The following CAND1 variants were observed in gnomAD, a reference collection of about 807,000 sequenced individuals.
CAND1 encodes cullin-associated NEDD8-dissociated protein 1.
In CAND1, 7 loss-of-function variants were observed where a neutral mutation model predicts 108.5. The ratio of observed to expected loss-of-function variants is 0.06; its 90% CI spans 0.04 to 0.12. The LOEUF is 0.12. CAND1 is among the 10% of genes least tolerant of loss of function. The probability of loss-of-function intolerance (pLI) is 1.00; values close to 1 mark genes in which losing one functional copy is unlikely to be tolerated. For synonymous variants in CAND1, 534 were observed against 512.0 expected (o/e 1.04, Z -0.58); for missense variants, 941 against 1,448.7 (o/e 0.65, Z 5.69).
chr12:67,298,801 C>A, intron 6 of CAND1, 149 bp from the exon 7 acceptor site: 1 of 574,698 alleles, frequency 1.7e-6, no homozygotes, highest in Non-Finnish European at 3.1e-6. Flanking sequence ...ATAGTAAGTC[C>A]ATGGGAGAGA....
chr12:67,314,877 A>C lies in CAND1; in HGVS notation c.*2047A>C, dbSNP rs1283345829. The C allele has an allele frequency of 6.6e-6, 1 of 152,226 alleles. No homozygotes were observed. Among genetic ancestry groups the C allele is most frequent in the African/African-American group, 2.4e-5 (1 of 41,454 alleles). The allele number at this position is 152,226 out of a possible 1,614,324, so 9.4% of individuals were successfully genotyped here. A position where few individuals can be genotyped will look rare whatever the true frequency, so the allele number is the denominator to read the frequency against. ...CTGTTTATATGCATACATTAACAAAATTAGTAACAGCAGTGCTTAGAATTT... is the reference window on the plus strand; with the variant it reads ...CTGTTTATATGCATACATTAACAAACTTAGTAACAGCAGTGCTTAGAATTT... On this transcript the variant is annotated 3_prime_UTR_variant, in exon 15 of 15. Coordinates refer to ENST00000545606, the MANE Select transcript of CAND1 (RefSeq NM_018448.5).
chr12:67,291,329 A>G (rs1325713496), intron 2 of CAND1, among the ~76,000 whole-genome samples: 2 of 152,232 alleles, frequency 1.3e-5, no homozygotes, highest in Non-Finnish European at 2.9e-5. Flanking sequence ...CATTTAGACA[A>G]GTATATAAAA....
At chr12:67,310,854 A>C (rs1393538749) in intron 13 of CAND1, 1 of 152,154 alleles carries the variant, frequency 6.6e-6, no homozygotes, top group Non-Finnish European at 1.5e-5. Flanking sequence ...TCAGATATAC[A>C]AAACAATCTG....
intron 1 of CAND1, among the ~76,000 whole-genome samples, chr12:67,280,034 T>G (rs1416449295): frequency 1.3e-5 from 2 of 152,228 alleles, no homozygotes; most frequent in African/African-American, 4.8e-5. Flanking sequence ...TAATGAAAAT[T>G]AGTCATGTAG....
chr12:67,291,498 C>G (rs1305270758), intron 2 of CAND1, among the ~76,000 whole-genome samples: 3 of 152,104 alleles, frequency 2.0e-5, no homozygotes, highest in Admixed American at 6.6e-5. Context: ...CAGAGTGTTT[C>G]ATATTTTGTA....
chr12:67,310,535 G>A, intron 13 of CAND1: 1 of 368,330 alleles, frequency 2.7e-6, no homozygotes, highest in Non-Finnish European at 5.0e-6. Context: ...GGAGGAAGTG[G>A]CAGTGGATGC....
Position 67,305,198 on chromosome 12 carries a change from T to C in CAND1, c.1530T>C (p.Pro510=). Residue 510 remains proline (P), a synonymous_variant, in exon 10 of 15, where the codon CCT becomes CCC. Coordinates refer to ENST00000545606, the MANE Select transcript of CAND1 (RefSeq NM_018448.5). The surrounding 1 kb of genome is among the most constrained non-coding windows in gnomAD (Gnocchi z 4.4). ...CLYVILCNHS[P]QVFHPHVQAL... ...ACGTAATCCTCTGTAACCATTCTCC[T>C]CAAGTCTTCCATCCTCACGTTCAGG... The C allele has an allele frequency of 6.2e-7, 1 of 1,614,202 alleles. No homozygotes were observed. Among genetic ancestry groups the C allele is most frequent in the Non-Finnish European group, 8.5e-7 (1 of 1,180,014 alleles).
intron 1 of CAND1, among the ~76,000 whole-genome samples, chr12:67,274,827 A>G (rs1042498680): frequency 2.6e-5 from 4 of 152,192 alleles, no homozygotes; most frequent in African/African-American, 9.7e-5. Context: ...TGTAAAAAAA[A>G]CTCAAGCCTT....
Position 67,306,574 on chromosome 12 carries a change from G to A in CAND1, c.2906G>A (p.Arg969Gln), listed in dbSNP as rs2044888404. ...TLIDPETLLP[R>Q]LKGYLISGSS... ...ATTGATCCAGAAACTCTCCTTCCAC[G>A]GCTTAAGGGGTACTTGATATCAGGT... is the stretch of plus-strand genomic sequence containing the variant. Residue 969 changes from arginine to glutamine, a missense_variant, in exon 10 of 15, where the codon CGG becomes CAG. Around this residue, in one of 9 missense-constraint regions of CAND1, gnomAD observed 106 missense variants for 182.0 expected, o/e 0.58. Transcript: ENST00000545606. The A allele has an allele frequency of 1.2e-6, 2 of 1,608,016 alleles. No homozygotes were observed. Among genetic ancestry groups the A allele is most frequent in the Admixed American group, 1.7e-5 (1 of 58,990 alleles).
At chr12:67,282,356 C>T in intron 2 of CAND1, among the ~76,000 whole-genome samples, 1 of 127,808 alleles carries the variant, frequency 7.8e-6, no homozygotes, top group East Asian at 1.9e-4. Context: ...GAGTTAAAGG[C>T]CTACTTTCCT....
At chr12:67,293,825 C>T (rs966852461) in intron 3 of CAND1, among the ~76,000 whole-genome samples, 9 of 152,068 alleles carry the variant, frequency 5.9e-5, no homozygotes, top group Non-Finnish European at 1.0e-4. Context: ...GTACTTGAAT[C>T]ATTCACTGTG....
chr12:67,300,018 A>G (rs184875331), intron 7 of CAND1, among the ~76,000 whole-genome samples: 2 of 152,232 alleles, frequency 1.3e-5, no homozygotes. Flanking sequence ...TCCACAACAG[A>G]GCTCCTTAAA....
At chr12:67,288,629 A>G (rs2044694598) in intron 2 of CAND1, among the ~76,000 whole-genome samples, 1 of 152,230 alleles carries the variant, frequency 6.6e-6, no homozygotes, top group Non-Finnish European at 1.5e-5. Context: ...TGATAGGTGT[A>G]AAGACTATTG....
intron 3 of CAND1, among the ~76,000 whole-genome samples, chr12:67,293,997 C>T (rs998261539): frequency 6.6e-6 from 1 of 152,078 alleles, no homozygotes; most frequent in East Asian, 1.9e-4. Flanking sequence ...GATTCAAATC[C>T]ATTTTCTTTT....
intron 1 of CAND1, among the ~76,000 whole-genome samples, chr12:67,280,287 G>A (rs903677004): frequency 6.6e-6 from 1 of 152,146 alleles, no homozygotes; most frequent in Non-Finnish European, 1.5e-5. Flanking sequence ...TGTCAGATCA[G>A]CATTAAATGA....
chr12:67,307,792 A>G (rs1223139934), intron 11 of CAND1, among the ~76,000 whole-genome samples: 2 of 152,056 alleles, frequency 1.3e-5, no homozygotes, highest in African/African-American at 4.8e-5. Context: ...GGATAAAGCA[A>G]AAAGATACTA....
intron 1 of CAND1, among the ~76,000 whole-genome samples, chr12:67,272,692 T>C (rs2044531566): frequency 6.6e-6 from 1 of 151,818 alleles, no homozygotes; most frequent in Non-Finnish European, 1.5e-5. Context: ...TTGTTGTTGT[T>C]TTGGTTTTTT....
At chr12:67,274,102 T>G (rs1252408) in intron 1 of CAND1, among the ~76,000 whole-genome samples, 112,945 of 152,008 alleles carry the variant, frequency 0.74, 42,879 homozygotes, top group African/African-American at 0.89. Context: ...TTTAGACTAG[T>G]GGATGTTAAG....
chr12:67,270,150 A>T (rs2044505857), intron 1 of CAND1: 1 of 197,866 alleles, frequency 5.1e-6, no homozygotes. Context: ...AGGCCGGGAG[A>T]CCGGGCGCCG....
Sources: gnomAD v4.1 joint callset for allele counts (sites outside exome capture counted in the v4.1 genomes callset) on GRCh38, gnomAD v4.1.1 for gene constraint, gnomAD v4.1.1 regional missense constraint, Gnocchi (gnomAD v3.1) non-coding constraint, MANE v1.5 for transcripts, NCBI Gene and HGNC (gene_info 2026-07-23, HGNC 2026-07-21) for gene names.